ME3: variants seen among roughly 807,000 people sequenced by gnomAD.
The protein encoded by ME3 is malic enzyme 3.
In ME3, 48 loss-of-function variants were observed where a neutral mutation model predicts 68.9. The ratio of observed to expected loss-of-function variants is 0.70; its 90% CI spans 0.55 to 0.89. ME3 has a LOEUF of 0.89. Ranked by LOEUF, ME3 falls within the 40% of genes least tolerant of loss-of-function variation. The pLI, the probability that ME3 is intolerant of heterozygous loss-of-function variation, is 0.00. For synonymous variants in ME3, 320 were observed against 318.8 expected, an observed-to-expected ratio of 1.00 and a Z score of -0.04; for missense variants, 675 against 797.4, an observed-to-expected ratio of 0.85 and a Z score of 1.85.
At chr11:86,649,020 A>G (rs12573953) in intron 2 of ME3, among the ~76,000 whole-genome samples, 10,971 of 152,204 alleles carry the variant, frequency 0.072, 464 homozygotes, top group East Asian at 0.14. Context: ...AAAAAAAGAA[A>G]ATTTCAGGCC....
At chr11:86,554,384 G>A (rs1171031241) in intron 4 of ME3, among the ~76,000 whole-genome samples, 3 of 152,164 alleles carry the variant, frequency 2.0e-5, no homozygotes, top group Admixed American at 1.3e-4. Context: ...AAGCAAAATT[G>A]TGTATGTTTG....
At chr11:86,563,010 T>G (rs1957312047) in intron 2 of ME3, among the ~76,000 whole-genome samples, 1 of 152,208 alleles carries the variant, frequency 6.6e-6, no homozygotes, top group South Asian at 2.1e-4. Context: ...TCATTCTTTT[T>G]TAAGGCTGCA....
At chr11:86,523,566 A>C (rs1954494690) in intron 4 of ME3, among the ~76,000 whole-genome samples, 1 of 151,936 alleles carries the variant, frequency 6.6e-6, no homozygotes, top group Admixed American at 6.6e-5. Flanking sequence ...CTCTTTTTTG[A>C]TTATGAGATT....
At chr11:86,522,319 AAAT>A (rs1954381575) in intron 4 of ME3, among the ~76,000 whole-genome samples, 3 of 152,278 alleles carry the variant, frequency 2.0e-5, no homozygotes, top group African/African-American at 7.2e-5. Flanking sequence ...AAATGGTAAA[AAAT>A]AACACAAATT....
intron 2 of ME3, among the ~76,000 whole-genome samples, chr11:86,585,980 G>A (rs1222208363): frequency 6.6e-6 from 1 of 152,162 alleles, no homozygotes; most frequent in South Asian, 2.1e-4. Flanking sequence ...GACTGAAAAC[G>A]ATCTACTGGA....
intron 4 of ME3, among the ~76,000 whole-genome samples, chr11:86,539,291 T>G (rs1361273870): frequency 6.6e-6 from 1 of 152,120 alleles, no homozygotes; most frequent in Non-Finnish European, 1.5e-5. Flanking sequence ...ATCTTCCCAA[T>G]GTGAATCAAA....
intron 2 of ME3, among the ~76,000 whole-genome samples, chr11:86,646,084 C>T (rs12362293): frequency 0.35 from 53,532 of 152,068 alleles, 11,026 homozygotes; most frequent in Non-Finnish European, 0.46. Flanking sequence ...GACAAATCCA[C>T]GAAGATGAGG....
chr11:86,493,314 C>T (rs1952111626), intron 6 of ME3, among the ~76,000 whole-genome samples: 1 of 152,214 alleles, frequency 6.6e-6, no homozygotes, highest in Non-Finnish European at 1.5e-5. Context: ...GAGCACACAG[C>T]ATCTCCTTCT....
chr11:86,662,910 T>A (rs570511242), intron 2 of ME3, among the ~76,000 whole-genome samples: 3 of 152,294 alleles, frequency 2.0e-5, no homozygotes, highest in South Asian at 4.1e-4. Flanking sequence ...GCAATCCCTC[T>A]CCTGTTGGGA....
At chr11:86,572,244 C>T (rs774475759) in intron 2 of ME3, among the ~76,000 whole-genome samples, 22 of 151,472 alleles carry the variant, frequency 1.5e-4, no homozygotes, top group Non-Finnish European at 2.1e-4. Context: ...CTCTTACTTG[C>T]GGGCAGCCCT....
chr11:86,450,871 C>T (rs1293389593), intron 8 of ME3, among the ~76,000 whole-genome samples: 3 of 152,186 alleles, frequency 2.0e-5, no homozygotes, highest in Non-Finnish European at 4.4e-5. Context: ...CGCACACCAT[C>T]GTCAAATGGC....
intron 7 of ME3, among the ~76,000 whole-genome samples, chr11:86,484,124 A>C (rs1258214804): frequency 6.6e-6 from 1 of 152,178 alleles, no homozygotes; most frequent in African/African-American, 2.4e-5. Context: ...CCACGGCAGG[A>C]ACTGAGCCAT....
intron 2 of ME3, among the ~76,000 whole-genome samples, chr11:86,616,438 G>A (rs576641703): frequency 2.5e-4 from 38 of 152,132 alleles, no homozygotes; most frequent in Admixed American, 2.0e-4. Flanking sequence ...GCAAGTCATT[G>A]TGGGATTTTA....
chr11:86,652,352 G>A (rs1044364358), intron 2 of ME3, among the ~76,000 whole-genome samples: 10 of 152,190 alleles, frequency 6.6e-5, no homozygotes, highest in African/African-American at 2.2e-4. Flanking sequence ...GAAAAGGCTC[G>A]GGTTACCCAC....
intron 10 of ME3, 73 bp downstream of exon 10, chr11:86,449,816 G>T: frequency 9.1e-7 from 1 of 1,100,796 alleles, no homozygotes; most frequent in South Asian, 1.4e-5. Flanking sequence ...TGACTTCTTG[G>T]AGACCTCTTC....
At chr11:86,457,041 CT>C (rs906755893) in intron 8 of ME3, among the ~76,000 whole-genome samples, 10 of 152,186 alleles carry the variant, frequency 6.6e-5, no homozygotes, top group African/African-American at 1.9e-4. Flanking sequence ...GCTTTTCCCC[CT>C]GTTACCATCG....
chr11:86,554,968 G>C (rs1419984296), intron 4 of ME3, among the ~76,000 whole-genome samples: 2 of 152,240 alleles, frequency 1.3e-5, no homozygotes, highest in Non-Finnish European at 2.9e-5. Flanking sequence ...AGGAGGCCAA[G>C]AAAGGGGTGG....
At chr11:86,496,897 C>T (rs1262564470) in intron 6 of ME3, among the ~76,000 whole-genome samples, 2 of 151,152 alleles carry the variant, frequency 1.3e-5, no homozygotes, top group Non-Finnish European at 2.9e-5. Flanking sequence ...AAAAAAAAGG[C>T]TGGGGAAATA....
chr11:86,514,631 C>G (rs1456382421), intron 4 of ME3, among the ~76,000 whole-genome samples: 1 of 152,192 alleles, frequency 6.6e-6, no homozygotes, highest in East Asian at 1.9e-4. Flanking sequence ...GCTCGAAACC[C>G]AGCTCTATTA....
Sources: gnomAD v4.1 joint callset for allele counts (sites outside exome capture counted in the v4.1 genomes callset) on GRCh38, gnomAD v4.1.1 for gene constraint, MANE v1.5 for transcripts, NCBI Gene and HGNC (gene_info 2026-07-23, HGNC 2026-07-21) for gene names.